LMX1A: variants seen among roughly 807,000 people sequenced by gnomAD.
The protein encoded by LMX1A is LIM homeobox transcription factor 1 alpha.
A neutral mutation model predicts 49.1 loss-of-function variants in LMX1A; 15 were observed. The ratio of observed to expected loss-of-function variants is 0.31; its 90% confidence interval spans 0.20 to 0.47. LMX1A has a LOEUF of 0.47. Among genes scored for constraint, LMX1A ranks in the 20% least tolerant of loss-of-function variants. The pLI, the probability that LMX1A is intolerant of heterozygous loss-of-function variation, is 1.00. For missense variants in LMX1A, 372 were observed against 475.8 expected, an observed-to-expected ratio of 0.78 and a Z score of 2.03; for synonymous variants, 167 against 185.7, an observed-to-expected ratio of 0.90 and a Z score of 0.82.
At chr1:165,321,826 C>T (rs1206180786) in intron 3 of LMX1A, among the ~76,000 whole-genome samples, 1 of 152,074 alleles carries the variant, frequency 6.6e-6, no homozygotes, top group African/African-American at 2.4e-5. Context: ...AGACAACCCA[C>T]AGAATAGGAG....
At chr1:165,336,322 C>A (rs766682024) in intron 3 of LMX1A, among the ~76,000 whole-genome samples, 1 of 152,132 alleles carries the variant, frequency 6.6e-6, no homozygotes, top group Non-Finnish European at 1.5e-5. Context: ...TTCTAGATCA[C>A]TAACCTTTAA....
In LMX1A at chr1:165,353,180, G is replaced by C. The variant is rs751865348; in HGVS notation, c.159C>G (p.Ser53Arg). ...LDRFLLRLND[S>R]FWHEQCVQCA... The stretch of plus-strand genomic sequence containing the variant: ...ACTGCACGCACTGCTCATGCCAGAA[G>C]CTGTCGTTGAGCCGCAGCAGAAACC... Residue 53 changes from serine to arginine, a missense_variant, in exon 3 of 9, where the codon AGC becomes AGG. Ser to Arg is a moderately radical substitution (Grantham distance 110). Coordinates refer to ENST00000342310, the MANE Select transcript of LMX1A (RefSeq NM_177398.4). 6 of 1,614,142 alleles carry C rather than the reference G, an allele frequency of 3.7e-6. No individual in the cohort carries two copies. Among genetic ancestry groups the C allele is most frequent in the Non-Finnish European group, 5.1e-6 (6 of 1,180,022 alleles).
At chr1:165,265,918 A>C (rs1159121304) in intron 3 of LMX1A, among the ~76,000 whole-genome samples, 1 of 152,198 alleles carries the variant, frequency 6.6e-6, no homozygotes, top group Admixed American at 6.5e-5. Context: ...CCGCAAAGAC[A>C]CACAAGGATC....
chr1:165,301,096 T>C (rs1212941554), intron 3 of LMX1A, among the ~76,000 whole-genome samples: 2 of 152,084 alleles, frequency 1.3e-5, no homozygotes, highest in Non-Finnish European at 2.9e-5. Context: ...AACCACCAAC[T>C]CTCAGGACCG....
At chr1:165,322,914 C>T (rs561617106) in intron 3 of LMX1A, among the ~76,000 whole-genome samples, 4 of 152,256 alleles carry the variant, frequency 2.6e-5, no homozygotes, top group Non-Finnish European at 5.9e-5. Context: ...TCTGACTTTT[C>T]CATTCCTTTT....
chr1:165,216,793 A>G (rs920503278), intron 4 of LMX1A, among the ~76,000 whole-genome samples: 1 of 152,206 alleles, frequency 6.6e-6, no homozygotes, highest in Non-Finnish European at 1.5e-5. Flanking sequence ...AAGCAATGTG[A>G]CATGGTATCT....
In LMX1A at chr1:165,213,664, C is replaced by A; in HGVS notation, c.646G>T (p.Val216Leu). ...ACCTTCCTGCAGGGCTTGGAGGATACTTCAAATGAGGCCTTGAATGCTCGC... is the reference window on the plus strand; with the variant it reads ...ACCTTCCTGCAGGGCTTGGAGGATAATTCAAATGAGGCCTTGAATGCTCGC... ...QRRAFKASFE[V>L]SSKPCRKVRE... The change falls in exon 5 of 9, where the codon GTA (valine) becomes TTA (leucine). Residue 216 changes from valine to leucine, a missense_variant. Around this residue, in one of 3 missense-constraint regions of LMX1A, gnomAD observed 46 missense variants for 93.8 expected, o/e 0.49. Coordinates refer to ENST00000342310, the MANE Select transcript of LMX1A (RefSeq NM_177398.4). 6.2e-7 allele frequency: 1 copy of A among 1,614,166 alleles called. No individual in the cohort carries two copies. The highest frequency in any genetic ancestry group is 1.1e-5 in the South Asian group (1 of 91,082).
intron 2 of LMX1A, among the ~76,000 whole-genome samples, 196 bp from the exon 3 acceptor site, chr1:165,353,458 A>T (rs1227539547): frequency 6.6e-6 from 1 of 152,144 alleles, no homozygotes; most frequent in Non-Finnish European, 1.5e-5. Context: ...AACGGAGACT[A>T]TGTGAGAAGG....
chr1:165,249,730 T>G lies in LMX1A; in HGVS notation c.264-90A>C, dbSNP rs560398666. The stretch of plus-strand genomic sequence containing the variant: ...CCTGAAGTCAACAGCAAAAGGAACT[T>G]CAAGAACTGGGATATGAACGTTAGA... On this transcript the variant is annotated intron_variant, in intron 3 of 8. Coordinates refer to ENST00000342310, the MANE Select transcript of LMX1A (RefSeq NM_177398.4). 1.3e-4 allele frequency: 115 copies of G among 854,666 alleles called. No individual in the cohort carries two copies. The African/African-American group carries it at 1.8e-3, about 13-fold the overall frequency. The allele number at this position is 854,666 out of a possible 1,614,324, so 52.9% of individuals were successfully genotyped here.
intron 3 of LMX1A, among the ~76,000 whole-genome samples, chr1:165,316,292 C>A (rs1349836261): frequency 6.6e-6 from 1 of 152,216 alleles, no homozygotes; most frequent in Non-Finnish European, 1.5e-5. Context: ...TGAACACATG[C>A]TGAGAGCTTA....
chr1:165,265,554 C>A (rs983647697), intron 3 of LMX1A, among the ~76,000 whole-genome samples: 2 of 152,168 alleles, frequency 1.3e-5, no homozygotes, highest in Non-Finnish European at 2.9e-5. Context: ...AAAGCGAGTG[C>A]CTCCCTGAGC....
chr1:165,264,484 A>C, intron 3 of LMX1A, among the ~76,000 whole-genome samples: 1 of 152,172 alleles, frequency 6.6e-6, no homozygotes, highest in East Asian at 1.9e-4. Flanking sequence ...TACAGCCAGA[A>C]GTTTGGGGAG....
intron 4 of LMX1A, among the ~76,000 whole-genome samples, chr1:165,237,598 C>A (rs1652498201): frequency 6.6e-6 from 1 of 152,142 alleles, no homozygotes; most frequent in Non-Finnish European, 1.5e-5. Context: ...AACAAAAAAA[C>A]CCAAGCATGC....
At chr1:165,205,273 G>T (rs897411342) in intron 8 of LMX1A, among the ~76,000 whole-genome samples, 3 of 152,180 alleles carry the variant, frequency 2.0e-5, no homozygotes, top group African/African-American at 7.2e-5. Context: ...GCCCCCGGTT[G>T]TTGTCCATTA....
intron 7 of LMX1A, chr1:165,207,704 G>A (rs6662551): frequency 0.024 from 6,068 of 252,618 alleles, 362 homozygotes; most frequent in African/African-American, 0.12. Flanking sequence ...CCAAGTCACC[G>A]AGGTGTCTTC....
At chr1:165,325,027 G>T (rs1011162770) in intron 3 of LMX1A, among the ~76,000 whole-genome samples, 1 of 152,100 alleles carries the variant, frequency 6.6e-6, no homozygotes, top group African/African-American at 2.4e-5. Context: ...TCTCCAGGGA[G>T]CCCCTGCCAC....
intron 4 of LMX1A, among the ~76,000 whole-genome samples, chr1:165,243,832 G>A (rs1307925017): frequency 6.6e-6 from 1 of 152,204 alleles, no homozygotes; most frequent in Non-Finnish European, 1.5e-5. Context: ...TCTTCATCTA[G>A]TTTCTTGACA....
intron 3 of LMX1A, among the ~76,000 whole-genome samples, chr1:165,331,754 T>G (rs1655749641): frequency 6.6e-6 from 1 of 151,954 alleles, no homozygotes. Context: ...CCGTGTCTAC[T>G]AAAAATACAA....
At chr1:165,295,385 G>A (rs184489526) in intron 3 of LMX1A, among the ~76,000 whole-genome samples, 121 of 149,618 alleles carry the variant, frequency 8.1e-4, no homozygotes, top group Middle Eastern at 3.6e-3. Flanking sequence ...CAAATTTGCC[G>A]TAATAAATAG....
Sources: gnomAD v4.1 joint callset for allele counts (sites outside exome capture counted in the v4.1 genomes callset) on GRCh38, gnomAD v4.1.1 for gene constraint, gnomAD v4.1.1 regional missense constraint, MANE v1.5 for transcripts, NCBI Gene and HGNC (gene_info 2026-07-23, HGNC 2026-07-21) for gene names.